Variants in POU2F1 observed in about 807,000 individuals in gnomAD.
POU2F1 encodes POU class 2 homeobox 1, also known as POU domain, class 2, transcription factor 1.
In POU2F1, 16 loss-of-function variants were observed where a neutral mutation model predicts 84.9. The observed-to-expected ratio is 0.19, with a 90% CI of 0.13 to 0.29. The LOEUF is 0.29. Ranked by LOEUF, POU2F1 falls within the 10% of genes least tolerant of loss-of-function variation. The pLI is 1.00. For synonymous variants in POU2F1, 368 were observed against 368.3 expected, an observed-to-expected ratio of 1.00 and a Z score of 0.01; for missense variants, 738 against 942.6, an observed-to-expected ratio of 0.78 and a Z score of 2.84.
intron 6 of POU2F1, among the ~76,000 whole-genome samples, chr1:167,375,455 T>C (rs1660258084): frequency 6.6e-6 from 1 of 152,188 alleles, no homozygotes; most frequent in South Asian, 2.1e-4. Flanking sequence ...TAGGCCAATG[T>C]AAGGTGCTAT....
chr1:167,318,622 T>G (rs1656090672), intron 1 of POU2F1, among the ~76,000 whole-genome samples: 1 of 152,238 alleles, frequency 6.6e-6, no homozygotes, highest in Admixed American at 6.5e-5. Context: ...CATGTGTAAC[T>G]GTGTCATAAA....
intron 2 of POU2F1, among the ~76,000 whole-genome samples, chr1:167,355,452 T>G (rs1486838029): frequency 6.6e-6 from 1 of 152,218 alleles, no homozygotes; most frequent in Non-Finnish European, 1.5e-5. Flanking sequence ...CACGTCTCCA[T>G]GTTTTAAAGA....
At chr1:167,295,381 A>C (rs966751025) in intron 1 of POU2F1, among the ~76,000 whole-genome samples, 1 of 152,236 alleles carries the variant, frequency 6.6e-6, no homozygotes, top group Non-Finnish European at 1.5e-5. Context: ...TTTTGCAGCA[A>C]CTTGGTTGGA....
intron 1 of POU2F1, among the ~76,000 whole-genome samples, chr1:167,292,730 G>A (rs1654014108): frequency 1.3e-5 from 2 of 152,040 alleles, no homozygotes; most frequent in South Asian, 4.2e-4. Context: ...CAATATCCCT[G>A]ATGAACATAG....
intron 1 of POU2F1, among the ~76,000 whole-genome samples, chr1:167,304,366 A>C (rs978092999): frequency 1.3e-5 from 2 of 152,172 alleles, no homozygotes; most frequent in African/African-American, 4.8e-5. Context: ...CAGATGAAAA[A>C]ACTGAGGCTC....
intron 1 of POU2F1, among the ~76,000 whole-genome samples, chr1:167,238,308 C>T (rs996320200): frequency 6.6e-6 from 1 of 151,820 alleles, no homozygotes; most frequent in Non-Finnish European, 1.5e-5. Flanking sequence ...TATTTATTTC[C>T]GGTGGGGCCC....
intron 8 of POU2F1, among the ~76,000 whole-genome samples, chr1:167,388,703 C>T (rs968233692): frequency 2.0e-5 from 3 of 152,060 alleles, no homozygotes; most frequent in African/African-American, 7.3e-5. Context: ...ACTATTTAAA[C>T]CATTAAATAT....
At chr1:167,295,370 C>A (rs1654224949) in intron 1 of POU2F1, among the ~76,000 whole-genome samples, 2 of 152,140 alleles carry the variant, frequency 1.3e-5, no homozygotes, top group South Asian at 4.2e-4. Flanking sequence ...AAAATAATGT[C>A]TTTTGCAGCA....
chr1:167,245,049 A>G (rs1252495206), intron 1 of POU2F1, among the ~76,000 whole-genome samples: 3 of 152,214 alleles, frequency 2.0e-5, no homozygotes, highest in African/African-American at 7.2e-5. Context: ...AGAGGAGAAT[A>G]GGAGCATATT....
chr1:167,294,750 T>A (rs1335804472), intron 1 of POU2F1, among the ~76,000 whole-genome samples: 1 of 152,064 alleles, frequency 6.6e-6, no homozygotes, highest in African/African-American at 2.4e-5. Flanking sequence ...AATGGCCAGA[T>A]CTGGTGAAAG....
At chr1:167,339,714 C>G (rs1206600196) in intron 2 of POU2F1, among the ~76,000 whole-genome samples, 1 of 152,044 alleles carries the variant, frequency 6.6e-6, no homozygotes. Flanking sequence ...GAATTTTGTC[C>G]TTAGGAGTTT....
intron 8 of POU2F1, among the ~76,000 whole-genome samples, chr1:167,388,680 A>G (rs1009377094): frequency 6.6e-6 from 1 of 152,206 alleles, no homozygotes; most frequent in African/African-American, 2.4e-5. Flanking sequence ...TAAAAATGCT[A>G]TATATCCAGA....
rs768456089 is a variant in POU2F1 at position 167,412,195 on chromosome 1, G to A, written c.1792G>A (p.Ala598Thr). The A allele has an allele frequency of 2.8e-5, 45 of 1,613,348 alleles. No homozygotes were observed. The highest frequency in any genetic ancestry group is 3.6e-5 in the Non-Finnish European group (43 of 1,179,642). Reference protein sequence around the residue: ...TASGLQTAAAAALQGAAQLPA... With the variant: ...TASGLQTAAATALQGAAQLPA... ...ATCAGGTTTGCAAACAGCAGCAGCT[G>A]CTGCCCTTCAAGGAGCTGCACAGTT... Residue 598 changes from alanine (A) to threonine (T), a missense_variant, in exon 14 of 16, where the codon GCT becomes ACT. Ala to Thr is a moderately conservative substitution (Grantham distance 58). This residue lies in a region of POU2F1 where 319 missense variants were observed against 386.0 expected (regional missense o/e 0.83). Coordinates refer to ENST00000367866, the MANE Select transcript of POU2F1 (RefSeq NM_002697.4).
In POU2F1 at chr1:167,416,233, A is replaced by C; in HGVS notation, c.*423A>C. 1 of 298,944 alleles carries C rather than the reference A, an allele frequency of 3.3e-6. No individual in the cohort carries two copies. The highest frequency in any genetic ancestry group is 6.4e-6 in the Non-Finnish European group (1 of 156,470). 18.5% of individuals were successfully genotyped at this position (298,944 alleles called of 1,614,324 possible). On this transcript the variant is annotated 3_prime_UTR_variant, in exon 16 of 16. Transcript: ENST00000367866. ...GGAAGGGGATTTCTTGTTTGTCTAAATTTCTTTTTTTCTTAAAAAAAAAAA... is the reference window on the plus strand; with the variant it reads ...GGAAGGGGATTTCTTGTTTGTCTAACTTTCTTTTTTTCTTAAAAAAAAAAA...
intron 9 of POU2F1, among the ~76,000 whole-genome samples, chr1:167,394,241 G>A (rs1288452304): frequency 2.0e-5 from 3 of 151,930 alleles, no homozygotes; most frequent in African/African-American, 4.8e-5. Context: ...GGCTGGTCTC[G>A]AACTCCTGAC....
chr1:167,249,098 T>C (rs1460765371), intron 1 of POU2F1, among the ~76,000 whole-genome samples: 8 of 152,224 alleles, frequency 5.3e-5, no homozygotes, highest in Non-Finnish European at 1.0e-4. Flanking sequence ...GAAACACATA[T>C]ATTATTTTCT....
chr1:167,378,948 G>A (rs1647287841), intron 7 of POU2F1, among the ~76,000 whole-genome samples: 1 of 147,430 alleles, frequency 6.8e-6, no homozygotes, highest in African/African-American at 2.5e-5. Flanking sequence ...TTTTGAGACA[G>A]AGTCTTGCTC....
intron 1 of POU2F1, among the ~76,000 whole-genome samples, chr1:167,230,461 T>G (rs575601893): frequency 7.9e-5 from 12 of 152,202 alleles, no homozygotes; most frequent in Non-Finnish European, 1.6e-4. Flanking sequence ...GGAGCTGTTC[T>G]GATTAAAATT....
intron 1 of POU2F1, among the ~76,000 whole-genome samples, chr1:167,252,155 G>A (rs896078792): frequency 1.3e-5 from 2 of 151,844 alleles, no homozygotes; most frequent in Non-Finnish European, 2.9e-5. Flanking sequence ...AGCCACCGCT[G>A]CAAGTCTCTT....
Sources: allele counts gnomAD v4.1 joint callset (sites outside exome capture counted in the v4.1 genomes callset), GRCh38; gene constraint gnomAD v4.1.1; regional missense constraint gnomAD v4.1.1; transcripts MANE v1.5; gene names NCBI Gene and HGNC (gene_info 2026-07-23, HGNC 2026-07-21).